ERGIC2: variants seen among roughly 807,000 people sequenced by gnomAD.
ERGIC2 encodes ERGIC and golgi 2, also known as endoplasmic reticulum-Golgi intermediate compartment protein 2.
A neutral mutation model predicts 52.5 loss-of-function variants in ERGIC2; 31 were observed. The ratio of observed to expected loss-of-function variants is 0.59; its 90% CI spans 0.44 to 0.80. ERGIC2 has a LOEUF of 0.80. Among genes scored for constraint, ERGIC2 ranks in the 30% least tolerant of loss-of-function variants. ERGIC2 has a pLI of 0.00. For missense variants in ERGIC2, 395 were observed against 455.2 expected (o/e 0.87, Z 1.20); for synonymous variants, 129 against 140.6 (o/e 0.92, Z 0.58).
At chr12:29,341,840 C>G in intron 12 of ERGIC2, 24 bp from the exon 13 acceptor site, 1 of 1,119,858 alleles carries the variant, frequency 8.9e-7, no homozygotes, top group Non-Finnish European at 1.4e-6. Flanking sequence ...TAAGTTTATG[C>G]TTTTAATTAT....
At chr12:29,362,836 A>G (rs1391619413) in intron 5 of ERGIC2, among the ~76,000 whole-genome samples, 1 of 152,174 alleles carries the variant, frequency 6.6e-6, no homozygotes, top group Non-Finnish European at 1.5e-5. Context: ...TTCACATTAT[A>G]GCATATAAGG....
chr12:29,350,509 C>G (rs1940116509), intron 8 of ERGIC2, among the ~76,000 whole-genome samples: 1 of 151,956 alleles, frequency 6.6e-6, no homozygotes, highest in Admixed American at 6.6e-5. Flanking sequence ...TGATGATGAT[C>G]TGTAATGAAA....
rs1257346156 is a variant in ERGIC2, at chr12:29,343,211, A to T, written c.897T>A (p.Ser299=). Residue 299 remains serine, a synonymous_variant, in exon 12 of 14, where the codon TCT becomes TCA. Coordinates refer to ENST00000360150, the MANE Select transcript of ERGIC2 (RefSeq NM_016570.3). ...SGIFMKYDLS[S]LMVTVTEEHM... is the part of the protein sequence containing the mutation. ...GCTCCTCAGTAACTGTCACCATAAG[A>T]GAACTGAGATCATATTTCATAAATA... The T allele has an allele frequency of 6.2e-7, 1 of 1,611,304 alleles. No individual in the cohort carries two copies. Among genetic ancestry groups the T allele is most frequent in the Admixed American group, 1.7e-5 (1 of 59,932 alleles).
At chr12:29,371,405 T>G in intron 2 of ERGIC2, 123 bp downstream of exon 2, 1 of 611,088 alleles carries the variant, frequency 1.6e-6, no homozygotes, top group East Asian at 2.9e-5. Flanking sequence ...GACAGACAAG[T>G]TACGAAGTTA....
intron 3 of ERGIC2, among the ~76,000 whole-genome samples, chr12:29,369,042 CT>C (rs1282590293): frequency 4.0e-5 from 6 of 151,792 alleles, no homozygotes; most frequent in Admixed American, 3.9e-4. Context: ...TAACTTTTTT[CT>C]GTGTAATAAT....
Position 29,368,259 on chromosome 12 carries a change from C to T in ERGIC2, c.244G>A (p.Val82Ile), listed in dbSNP as rs748419984. 3.6e-5 allele frequency: 56 copies of T among 1,567,716 alleles called. No individual in the cohort carries two copies. Among genetic ancestry groups the T allele is most frequent in the Non-Finnish European group, 4.4e-5 (50 of 1,139,320 alleles). Residue 82 changes from valine (V) to isoleucine (I), a missense_variant, in exon 4 of 14, where the codon GTT (valine) becomes ATT (isoleucine). Physicochemically the swap from Val to Ile is conservative, Grantham distance 29. Transcript: ENST00000360150. ...SKLRINIDIT[V>I]AMKCQYVGAD... Reference sequence around the variant, plus strand: ...TACTTACATTGACACTTCATGGCAACAGTAATATCTATATTAATTCTTAAT... The same window carrying T: ...TACTTACATTGACACTTCATGGCAATAGTAATATCTATATTAATTCTTAAT...
At chr12:29,352,893 A>C (rs1940152360) in intron 8 of ERGIC2, among the ~76,000 whole-genome samples, 1 of 152,188 alleles carries the variant, frequency 6.6e-6, no homozygotes, top group Non-Finnish European at 1.5e-5. Flanking sequence ...TGGTTAAAAA[A>C]AATTAAAAAA....
intron 10 of ERGIC2, among the ~76,000 whole-genome samples, chr12:29,348,737 CT>C (rs1189555902): frequency 2.0e-5 from 3 of 151,812 alleles, no homozygotes; most frequent in African/African-American, 7.2e-5. Context: ...AATGTTGAAC[CT>C]TTTTTTCATT....
intron 5 of ERGIC2, among the ~76,000 whole-genome samples, chr12:29,362,830 C>T (rs76152707): frequency 7.2e-5 from 11 of 152,136 alleles, no homozygotes; most frequent in Admixed American, 2.0e-4. Context: ...ACCTTTTTCA[C>T]ATTATAGCAT....
chr12:29,368,042 A>C (rs1207074432), intron 4 of ERGIC2, among the ~76,000 whole-genome samples, 199 bp downstream of exon 4: 1 of 151,868 alleles, frequency 6.6e-6, no homozygotes, highest in Non-Finnish European at 1.5e-5. Flanking sequence ...TGAAAGTTTT[A>C]TCTCTTCTCT....
intron 3 of ERGIC2, among the ~76,000 whole-genome samples, chr12:29,369,161 G>A (rs1232108998): frequency 1.3e-5 from 2 of 151,894 alleles, no homozygotes; most frequent in African/African-American, 2.4e-5. Context: ...TTAGGCTCAG[G>A]AGATAGGAAC....
At chr12:29,344,283 A>G (rs561965549) in intron 11 of ERGIC2, among the ~76,000 whole-genome samples, 53 of 152,178 alleles carry the variant, frequency 3.5e-4, no homozygotes, top group Non-Finnish European at 6.3e-4. Context: ...TCGAAGTGCA[A>G]TTGCTGAGTC....
chr12:29,362,739 C>T (rs985400308), intron 5 of ERGIC2, among the ~76,000 whole-genome samples: 2 of 152,164 alleles, frequency 1.3e-5, no homozygotes, highest in Non-Finnish European at 2.9e-5. Context: ...TAACTATATG[C>T]TTCAAGTTAA....
At position 29,340,789 on chromosome 12, in the gene ERGIC2, G is replaced by GTT. The variant is rs748465306; in HGVS notation, c.*365_*366dup. The GTT allele has an allele frequency of 2.0e-4, 67 of 340,110 alleles. No homozygotes were observed. The highest frequency in any genetic ancestry group is 4.6e-4 in the East Asian group (5 of 10,912). The allele number at this position is 340,110 out of a possible 1,614,324, so 21.1% of individuals were successfully genotyped here. A position where few individuals can be genotyped will look rare whatever the true frequency, so the allele number is the denominator to read the frequency against. On this transcript the variant is annotated 3_prime_UTR_variant, in exon 14 of 14. Coordinates refer to ENST00000360150, the MANE Select transcript of ERGIC2 (RefSeq NM_016570.3). ...GATGCGAACATTTGCACTTCTCAAT[G>GTT]TTTTTTTTTTTCCCATAGATGTAGT... is the stretch of plus-strand genomic sequence containing the variant.
chr12:29,365,788 G>A (rs181513742), intron 5 of ERGIC2, among the ~76,000 whole-genome samples: 103 of 151,846 alleles, frequency 6.8e-4, no homozygotes, highest in Non-Finnish European at 1.3e-3. Context: ...GCAGATAATA[G>A]TGTAATATGC....
rs761210324 is a variant in ERGIC2, at chr12:29,371,671, C to T, written c.-37-1G>A. 7.8e-7 allele frequency: 1 copy of T among 1,288,690 alleles called. No individual in the cohort carries two copies. The highest frequency in any genetic ancestry group is 1.1e-6 in the Non-Finnish European group (1 of 891,124). 79.8% of individuals were successfully genotyped at this position (1,288,690 alleles called of 1,614,324 possible). On this transcript the variant is annotated splice_acceptor_variant, in intron 1 of 13. Transcript: ENST00000360150. LOFTEE classifies it low-confidence loss of function (5UTR_SPLICE). ...CTTCCTCTTCCTTCATATAGTCATG[C>T]TAAGGAATAAATAAATTAATGAATA... is the stretch of plus-strand genomic sequence containing the variant.
chr12:29,377,051 C>A (rs1212832736), intron 1 of ERGIC2, among the ~76,000 whole-genome samples: 1 of 152,046 alleles, frequency 6.6e-6, no homozygotes, highest in African/African-American at 2.4e-5. Context: ...TATACCCAGC[C>A]CTTTTCCCTG....
intron 3 of ERGIC2, among the ~76,000 whole-genome samples, chr12:29,369,098 T>G (rs1940403781): frequency 6.6e-6 from 1 of 151,950 alleles, no homozygotes; most frequent in Non-Finnish European, 1.5e-5. Context: ...TAGACCTTCA[T>G]GAAGTCTTAA....
intron 5 of ERGIC2, among the ~76,000 whole-genome samples, chr12:29,363,167 C>A (rs769765407): frequency 2.0e-5 from 3 of 152,056 alleles, no homozygotes; most frequent in African/African-American, 7.2e-5. Context: ...AAGTAACAAC[C>A]AATACACAAA....
Sources: gnomAD v4.1 joint callset for allele counts (sites outside exome capture counted in the v4.1 genomes callset) on GRCh38, gnomAD v4.1.1 for gene constraint, MANE v1.5 for transcripts, NCBI Gene and HGNC (gene_info 2026-07-23, HGNC 2026-07-21) for gene names.